The following MPPED1 variants were observed in gnomAD, a reference collection of about 807,000 sequenced individuals.
MPPED1 encodes the protein metallophosphoesterase domain containing 1, also known as metallophosphoesterase domain-containing protein 1.
In MPPED1, 16 loss-of-function variants were observed where a neutral mutation model predicts 36.2. That is an observed-to-expected ratio of 0.44 (90% CI 0.30 to 0.67). The LOEUF is 0.67. Among genes scored for constraint, MPPED1 ranks in the 30% least tolerant of loss-of-function variants. MPPED1 has a pLI of 0.10. For missense variants in MPPED1, 307 were observed against 453.4 expected (o/e 0.68, Z 2.93); for synonymous variants, 199 against 191.3 (o/e 1.04, Z -0.33).
intron 5 of MPPED1, among the ~76,000 whole-genome samples, chr22:43,500,309 GAT>G (rs1569091913): frequency 3.5e-4 from 49 of 140,104 alleles, no homozygotes; most frequent in African/African-American, 1.2e-3. Flanking sequence ...TGGTGATGGT[GAT>G]GGAGGTGGTG....
intron 4 of MPPED1, among the ~76,000 whole-genome samples, chr22:43,488,387 G>T (rs1931980479): frequency 6.6e-6 from 1 of 152,196 alleles, no homozygotes; most frequent in Non-Finnish European, 1.5e-5. Flanking sequence ...CCCGAGCAGG[G>T]TAGGCTCGGC....
At chr22:43,442,564 C>A (rs543817309) in intron 3 of MPPED1, among the ~76,000 whole-genome samples, 35 of 152,276 alleles carry the variant, frequency 2.3e-4, no homozygotes, top group African/African-American at 8.4e-4. Context: ...ATGGAGGGTG[C>A]GGTCGGGTGG....
intron 3 of MPPED1, among the ~76,000 whole-genome samples, chr22:43,436,617 C>A (rs116887143): frequency 6.6e-6 from 1 of 152,260 alleles, no homozygotes; most frequent in Non-Finnish European, 1.5e-5. Context: ...CACACTGGCT[C>A]CAGTTCTGGG....
chr22:43,496,013 G>A (rs1438833725), intron 4 of MPPED1, among the ~76,000 whole-genome samples: 3 of 107,890 alleles, frequency 2.8e-5, no homozygotes, highest in Non-Finnish European at 4.0e-5. Context: ...GATGGTGGTG[G>A]TGGAGGTGGT....
At chr22:43,473,267 G>C (rs1167009996) in intron 3 of MPPED1, among the ~76,000 whole-genome samples, 2 of 152,228 alleles carry the variant, frequency 1.3e-5, no homozygotes, top group African/African-American at 4.8e-5. Flanking sequence ...GGTGTCAGGG[G>C]CTCATTGGAG....
chr22:43,469,333 G>A (rs2146878444), intron 3 of MPPED1, among the ~76,000 whole-genome samples: 1 of 152,248 alleles, frequency 6.6e-6, no homozygotes, highest in South Asian at 2.1e-4. Flanking sequence ...CCCCCATAAA[G>A]CCCCTGAAAA....
intron 4 of MPPED1, among the ~76,000 whole-genome samples, chr22:43,494,181 G>A (rs182175573): frequency 1.3e-5 from 2 of 152,282 alleles, no homozygotes; most frequent in East Asian, 3.9e-4. Flanking sequence ...GACTACAGGT[G>A]CGCGCCATCA....
chr22:43,479,136 G>A (rs1248373106), intron 4 of MPPED1, among the ~76,000 whole-genome samples: 2 of 152,270 alleles, frequency 1.3e-5, no homozygotes, highest in South Asian at 2.1e-4. Flanking sequence ...CTCCCCTGGC[G>A]CCGGCCACCC....
rs573521072 is a variant in MPPED1 at position 43,449,999 on chromosome 22, G to A, written c.406+14784G>A. 5.9e-5 allele frequency among the ~76,000 whole-genome samples: 9 copies of A among 152,290 alleles called. No individual in the cohort carries two copies. The East Asian group carries it at 7.7e-4, about 13-fold the overall frequency. ...GAATGGGCGGGCCCAGCCGGGTGGC[G>A]GTGGTTTGTAGAGCCAGGGACACCA... On this transcript the variant is annotated intron_variant, in intron 3 of 6. Transcript: ENST00000443721.
chr22:43,421,679 C>T (rs548782935), intron 1 of MPPED1, among the ~76,000 whole-genome samples: 1 of 152,348 alleles, frequency 6.6e-6, no homozygotes, highest in South Asian at 2.1e-4. Context: ...TCCAGACATT[C>T]TGTATGTCCT....
At chr22:43,473,368 C>T (rs932336226) in intron 3 of MPPED1, among the ~76,000 whole-genome samples, 1 of 152,148 alleles carries the variant, frequency 6.6e-6, no homozygotes, top group Non-Finnish European at 1.5e-5. Flanking sequence ...GGGGATGCCT[C>T]GCGAGGTGTC....
intron 4 of MPPED1, among the ~76,000 whole-genome samples, chr22:43,476,895 A>C (rs1386338365): frequency 2.0e-5 from 3 of 151,976 alleles, no homozygotes; most frequent in South Asian, 2.1e-4. Flanking sequence ...TAGGCCAAAA[A>C]CCAGGAGGGC....
At chr22:43,484,650 G>A (rs79739799) in intron 4 of MPPED1, among the ~76,000 whole-genome samples, 5,745 of 152,332 alleles carry the variant, frequency 0.038, 152 homozygotes, top group Middle Eastern at 0.054. Context: ...GGGTATTGTG[G>A]AGACCTGCAT....
chr22:43,471,139 A>G (rs1477820228), intron 3 of MPPED1, among the ~76,000 whole-genome samples: 4 of 152,270 alleles, frequency 2.6e-5, no homozygotes, highest in African/African-American at 9.6e-5. Context: ...AGCTGCAGAA[A>G]TAAATGAAAC....
At chr22:43,481,755 C>T (rs1369469909) in intron 4 of MPPED1, among the ~76,000 whole-genome samples, 1 of 152,176 alleles carries the variant, frequency 6.6e-6, no homozygotes, top group African/African-American at 2.4e-5. Flanking sequence ...CCCTTGATAC[C>T]ATCCCCTTCA....
intron 3 of MPPED1, among the ~76,000 whole-genome samples, chr22:43,439,853 C>T (rs1170423405): frequency 1.3e-5 from 2 of 152,218 alleles, no homozygotes; most frequent in East Asian, 1.9e-4. Flanking sequence ...AGCTCCCCTC[C>T]CTGGTCCGGG....
chr22:43,458,149 C>T (rs942074775), intron 3 of MPPED1, among the ~76,000 whole-genome samples: 3 of 152,108 alleles, frequency 2.0e-5, no homozygotes, highest in Non-Finnish European at 4.4e-5. Context: ...GCTGTTTGTA[C>T]AATATCAAAA....
At position 43,505,620 on chromosome 22, in the gene MPPED1, C is replaced by T. The variant is rs749921207; in HGVS notation, c.*4C>T. The T allele has an allele frequency of 6.2e-6, 10 of 1,601,846 alleles. No homozygotes were observed. The East Asian group carries it at 2.0e-4, about 33-fold the overall frequency. ...CCCCACACCCCGGAACTCCTGACTG[C>T]TCCCCACTGCCCCTGCCCTGCCCGC... On this transcript the variant is annotated 3_prime_UTR_variant, in exon 7 of 7. Transcript: ENST00000443721.
Position 43,504,866 on chromosome 22 carries a change from ATGG to A in MPPED1, c.863-617_863-615del, listed in dbSNP as rs917344468. Among the ~76,000 whole-genome samples the A allele has an allele frequency of 1.8e-3, 155 of 87,608 alleles. 1 individual carries two copies. The highest frequency in any genetic ancestry group is 5.3e-3 in the African/African-American group (148 of 27,936). 57.5% of individuals were successfully genotyped at this position (87,608 alleles called of 152,430 possible). ...GATAGCATTAGTGAAGATGATGATG[ATGG>A]TGGTGGTGGTGGTGATGATAAGGGC... On this transcript the variant is annotated intron_variant, in intron 6 of 6. Coordinates refer to ENST00000443721, the MANE Select transcript of MPPED1 (RefSeq NM_001044370.2).
Sources: gnomAD v4.1 joint callset for allele counts (sites outside exome capture counted in the v4.1 genomes callset) on GRCh38, gnomAD v4.1.1 for gene constraint, MANE v1.5 for transcripts, NCBI Gene and HGNC (gene_info 2026-07-23, HGNC 2026-07-21) for gene names.